The following NPAS2 variants were observed in gnomAD, a reference collection of about 807,000 sequenced individuals.
NPAS2 encodes the protein neuronal PAS domain protein 2.
Under a neutral mutation model 107.5 loss-of-function variants are expected in NPAS2, and 23 were observed. That is an observed-to-expected ratio of 0.21 (90% confidence interval 0.15 to 0.30). The LOEUF (loss-of-function observed/expected upper bound fraction) is 0.30, where lower values mean the gene tolerates loss of function less well. NPAS2 is among the 10% of genes least tolerant of loss of function. The pLI is 1.00. For missense variants in NPAS2, 756 were observed against 1,043.3 expected (o/e 0.72, Z 3.79); for synonymous variants, 403 against 417.5 (o/e 0.97, Z 0.42).
chr2:100,859,921 T>C (rs1049152170), intron 1 of NPAS2, among the ~76,000 whole-genome samples: 2 of 152,224 alleles, frequency 1.3e-5, no homozygotes, highest in Non-Finnish European at 2.9e-5. Flanking sequence ...TTACTGTTTT[T>C]TACTAAACCA....
intron 12 of NPAS2, among the ~76,000 whole-genome samples, chr2:100,971,681 C>G (rs77988694): frequency 0.042 from 6,358 of 152,250 alleles, 174 homozygotes; most frequent in South Asian, 0.063. Context: ...TCCACAGAGT[C>G]TCTTCCATCC....
chr2:100,972,698 A>G (rs1676666205), intron 12 of NPAS2: 1 of 152,222 alleles, frequency 6.6e-6, no homozygotes. Context: ...ACCATACATT[A>G]TGTATCACGT....
chr2:100,965,665 C>T lies in NPAS2; in HGVS notation c.806C>T (p.Pro269Leu). The change falls in exon 10 of 21, where the codon CCT becomes CTT. Residue 269 changes from proline to leucine, a missense_variant. By Grantham distance (98) the Pro-to-Leu change is moderately conservative (BLOSUM62 -3). This residue lies in a region of NPAS2 where 84 missense variants were observed against 175.5 expected (regional missense o/e 0.48). Coordinates refer to ENST00000335681, the MANE Select transcript of NPAS2 (RefSeq NM_002518.4). The surrounding 1 kb of genome is among the most constrained non-coding windows in gnomAD (Gnocchi z 4.3). ...WKFLFLDHRA[P>L]PIIGYLPFEV... ...TCCTCCTTGTCCTTGTGCAGAGCAC[C>T]TCCAATCATAGGATACCTGCCTTTT... 6.2e-7 allele frequency: 1 copy of T among 1,612,520 alleles called. No homozygotes were observed. Among genetic ancestry groups the T allele is most frequent in the South Asian group, 1.1e-5 (1 of 91,028 alleles).
At chr2:100,961,690 C>T (rs1049584024) in intron 7 of NPAS2, among the ~76,000 whole-genome samples, 5 of 152,206 alleles carry the variant, frequency 3.3e-5, no homozygotes, top group African/African-American at 1.2e-4. Context: ...GTCGCTGCTG[C>T]CCTCGAAGAA....
intron 19 of NPAS2, among the ~76,000 whole-genome samples, chr2:100,992,700 C>T (rs1416818711): frequency 6.6e-6 from 1 of 152,154 alleles, no homozygotes; most frequent in Non-Finnish European, 1.5e-5. Flanking sequence ...AGTATGTTTT[C>T]ATGTGTGTGT....
chr2:100,826,881 C>A (rs1470279201), intron 1 of NPAS2, among the ~76,000 whole-genome samples: 2 of 152,136 alleles, frequency 1.3e-5, no homozygotes, highest in Non-Finnish European at 2.9e-5. Context: ...CTTTTTTGTG[C>A]ATTTTCACAT....
At chr2:100,971,668 C>G (rs1194534881) in intron 12 of NPAS2, among the ~76,000 whole-genome samples, 2 of 152,146 alleles carry the variant, frequency 1.3e-5, no homozygotes, top group Non-Finnish European at 2.9e-5. Context: ...GAAAGGCCTT[C>G]CCTCCACAGA....
rs1407196617 is a variant in NPAS2 at position 100,968,239 on chromosome 2, T to C, written c.908-42T>C. 6.3e-7 allele frequency: 1 copy of C among 1,591,562 alleles called. No homozygotes were observed. The highest frequency in any genetic ancestry group is 8.6e-7 in the Non-Finnish European group (1 of 1,161,686). ...ACTCTTGGGGAAAAGATCATTTTCA[T>C]ATTAACATTGGTTATATGCGGAATC... is the stretch of plus-strand genomic sequence containing the variant. On this transcript the variant is annotated intron_variant, in intron 10 of 20. Coordinates refer to ENST00000335681, the MANE Select transcript of NPAS2 (RefSeq NM_002518.4). The surrounding 1 kb of genome is among the most constrained non-coding windows in gnomAD (Gnocchi z 5.3).
intron 1 of NPAS2, among the ~76,000 whole-genome samples, chr2:100,899,283 G>A (rs1262684916): frequency 6.6e-6 from 1 of 151,260 alleles, no homozygotes; most frequent in Non-Finnish European, 1.5e-5. Flanking sequence ...GAGTGCAGTG[G>A]CGTGATCACG....
Position 100,995,719 on chromosome 2 carries a change from G to T in NPAS2, c.*137G>T. On this transcript the variant is annotated 3_prime_UTR_variant, in exon 21 of 21. Transcript: ENST00000335681. Reference sequence around the variant, plus strand: ...GCATACGTTTCAGAACTCCTGGATGGTAACCATCTCTGGAGTGCAGCGCTT... The same window carrying T: ...GCATACGTTTCAGAACTCCTGGATGTTAACCATCTCTGGAGTGCAGCGCTT... 1 of 1,549,722 alleles carries T rather than the reference G, an allele frequency of 6.5e-7. No homozygotes were observed. The highest frequency in any genetic ancestry group is 8.7e-7 in the Non-Finnish European group (1 of 1,147,032).
At chr2:100,937,659 A>C in intron 4 of NPAS2, 94 bp from the exon 5 acceptor site, 1 of 889,842 alleles carries the variant, frequency 1.1e-6, no homozygotes, top group Non-Finnish European at 1.9e-6. Flanking sequence ...TTATAAAACA[A>C]AGCCAGTGTC....
At chr2:100,947,501 G>A (rs1017062212) in intron 5 of NPAS2, among the ~76,000 whole-genome samples, 2 of 148,890 alleles carry the variant, frequency 1.3e-5, no homozygotes, top group East Asian at 2.0e-4. Context: ...GCAGTGAGCC[G>A]AGATCACACC....
chr2:100,950,989 C>T (rs1361655494), intron 7 of NPAS2, among the ~76,000 whole-genome samples: 3 of 152,184 alleles, frequency 2.0e-5, no homozygotes, highest in Non-Finnish European at 2.9e-5. Context: ...AACCCAGCAT[C>T]GTACTAACCC....
At chr2:100,882,344 T>C (rs1405311201) in intron 1 of NPAS2, among the ~76,000 whole-genome samples, 1 of 152,206 alleles carries the variant, frequency 6.6e-6, no homozygotes, top group Admixed American at 6.5e-5. Flanking sequence ...GCGCAGTGGC[T>C]CATGCCTGTA....
chr2:100,969,165 C>A (rs1017022556), intron 11 of NPAS2, among the ~76,000 whole-genome samples: 12 of 151,620 alleles, frequency 7.9e-5, no homozygotes, highest in Non-Finnish European at 1.6e-4. Context: ...GTTGGAAGGA[C>A]AGCATGCCTT....
At chr2:100,932,640 T>G (rs1020472560) in intron 3 of NPAS2, among the ~76,000 whole-genome samples, 5 of 152,158 alleles carry the variant, frequency 3.3e-5, no homozygotes, top group Non-Finnish European at 5.9e-5. Context: ...ATGTAGACAT[T>G]CAGGGCCATG....
At chr2:100,865,715 T>C (rs573792250) in intron 1 of NPAS2, among the ~76,000 whole-genome samples, 2 of 152,196 alleles carry the variant, frequency 1.3e-5, no homozygotes, top group Non-Finnish European at 2.9e-5. Context: ...CCAATGCACA[T>C]GCAGGAAGTC....
chr2:100,840,211 C>T (rs1025313097), intron 1 of NPAS2, among the ~76,000 whole-genome samples: 1 of 152,162 alleles, frequency 6.6e-6, no homozygotes, highest in Non-Finnish European at 1.5e-5. Flanking sequence ...AATGTCTGTC[C>T]TCTGGGCTCT....
chr2:100,879,027 G>A (rs1159473622), intron 1 of NPAS2, among the ~76,000 whole-genome samples: 1 of 151,760 alleles, frequency 6.6e-6, no homozygotes, highest in Admixed American at 6.6e-5. Flanking sequence ...GCTGAGGCAG[G>A]AGAATCACTT....
Sources: allele counts gnomAD v4.1 joint callset (sites outside exome capture counted in the v4.1 genomes callset), GRCh38; gene constraint gnomAD v4.1.1; regional missense constraint gnomAD v4.1.1; non-coding constraint Gnocchi (gnomAD v3.1); transcripts MANE v1.5; gene names NCBI Gene and HGNC (gene_info 2026-07-23, HGNC 2026-07-21).